JARID2: variants seen among roughly 807,000 people sequenced by gnomAD.
JARID2 encodes the protein jumonji and AT-rich interaction domain containing 2.
Under a neutral mutation model 125.6 loss-of-function variants are expected in JARID2, and 21 were observed. That is an observed-to-expected ratio of 0.17 (90% CI 0.12 to 0.24). The LOEUF (loss-of-function observed/expected upper bound fraction) is 0.24. Ranked by LOEUF, JARID2 falls within the 10% of genes least tolerant of loss-of-function variation. The probability of loss-of-function intolerance (pLI) is 1.00; values close to 1 mark genes in which losing one functional copy is unlikely to be tolerated. For missense variants in JARID2, 1,303 were observed against 1,639.6 expected (o/e 0.79, Z 3.55); for synonymous variants, 736 against 661.6 (o/e 1.11, Z -1.73).
At chr6:15,400,677 G>A (rs1765392464) in intron 2 of JARID2, among the ~76,000 whole-genome samples, 1 of 151,978 alleles carries the variant, frequency 6.6e-6, no homozygotes, top group South Asian at 2.1e-4. Context: ...ATTTATCAGG[G>A]TGGGGGGAGC....
At chr6:15,278,943 C>G (rs1213828928) in intron 1 of JARID2, among the ~76,000 whole-genome samples, 1 of 152,036 alleles carries the variant, frequency 6.6e-6, no homozygotes, top group Non-Finnish European at 1.5e-5. Context: ...GTGGCATACA[C>G]CTGTAATCTC....
At chr6:15,265,436 C>T in intron 1 of JARID2, among the ~76,000 whole-genome samples, 1 of 151,904 alleles carries the variant, frequency 6.6e-6, no homozygotes, top group African/African-American at 2.4e-5. Flanking sequence ...GATTTAAAGC[C>T]TTAATCATCC....
At chr6:15,382,080 T>C (rs1764610629) in intron 2 of JARID2, among the ~76,000 whole-genome samples, 1 of 152,032 alleles carries the variant, frequency 6.6e-6, no homozygotes, top group African/African-American at 2.4e-5. Context: ...CTGGCCAACA[T>C]AGTGAAACCC....
intron 1 of JARID2, among the ~76,000 whole-genome samples, chr6:15,267,383 C>T (rs2127345263): frequency 6.6e-6 from 1 of 152,258 alleles, no homozygotes; most frequent in South Asian, 2.1e-4. Flanking sequence ...CAGCAACCAC[C>T]AGGAAAGGAT....
chr6:15,340,518 A>G (rs1763031615), intron 1 of JARID2, among the ~76,000 whole-genome samples: 1 of 152,224 alleles, frequency 6.6e-6, no homozygotes, highest in Non-Finnish European at 1.5e-5. Context: ...CAGGTTTATA[A>G]AGACTACTCT....
At chr6:15,260,709 C>A (rs543518956) in intron 1 of JARID2, among the ~76,000 whole-genome samples, 9 of 152,314 alleles carry the variant, frequency 5.9e-5, no homozygotes, top group African/African-American at 1.9e-4. Context: ...TGTGATAAAT[C>A]AAAACTCTAA....
chr6:15,267,287 A>G (rs1293174340), intron 1 of JARID2, among the ~76,000 whole-genome samples: 2 of 152,186 alleles, frequency 1.3e-5, no homozygotes, highest in African/African-American at 4.8e-5. Flanking sequence ...GCTTATCAGT[A>G]TCTGACATAA....
intron 1 of JARID2, among the ~76,000 whole-genome samples, chr6:15,263,666 C>T (rs1759972638): frequency 6.6e-6 from 1 of 150,548 alleles, no homozygotes; most frequent in Non-Finnish European, 1.5e-5. Flanking sequence ...GATCTCCACT[C>T]ATTGCAACCT....
At position 15,410,408 on chromosome 6, in the gene JARID2, A is replaced by G. The variant is rs778752398; in HGVS notation, c.323+43A>G. 10 of 1,594,228 alleles carry G rather than the reference A, an allele frequency of 6.3e-6. 1 individual carries two copies. The highest frequency in any genetic ancestry group is 1.3e-5 in the African/African-American group (1 of 74,584). Reference sequence around the variant, plus strand: ...AAAATATTGGTACCTTCAACCAGGGACTGCAAACTCAGGTGCCAGTTTTCA... The same window carrying G: ...AAAATATTGGTACCTTCAACCAGGGGCTGCAAACTCAGGTGCCAGTTTTCA... On this transcript the variant is annotated intron_variant, in intron 3 of 17. Coordinates refer to ENST00000341776, the MANE Select transcript of JARID2 (RefSeq NM_004973.4).
chr6:15,351,804 T>C (rs1763437207), intron 1 of JARID2, among the ~76,000 whole-genome samples: 1 of 152,120 alleles, frequency 6.6e-6, no homozygotes, highest in Non-Finnish European at 1.5e-5. Context: ...CTGTAGCTGC[T>C]TCCCTTGGCA....
Position 15,475,482 on chromosome 6 carries a change from G to A in JARID2, c.670+6764G>A, listed in dbSNP as rs555090927. Among the ~76,000 whole-genome samples the A allele has an allele frequency of 2.6e-5, 4 of 152,308 alleles. No homozygotes were observed. In the East Asian group the frequency reaches 7.7e-4, roughly 29 times the overall value. Reference sequence around the variant, plus strand: ...GGGAGGCCCAGGTCCTCGCTTCGCCGTGCAACTAGCATTTTCTCTTGCATA... The same window carrying A: ...GGGAGGCCCAGGTCCTCGCTTCGCCATGCAACTAGCATTTTCTCTTGCATA... On this transcript the variant is annotated intron_variant, in intron 5 of 17. Transcript: ENST00000341776.
chr6:15,386,994 G>A (rs1013201527), intron 2 of JARID2, among the ~76,000 whole-genome samples: 4 of 152,194 alleles, frequency 2.6e-5, no homozygotes, highest in African/African-American at 4.8e-5. Context: ...CACCTTTCTC[G>A]TATAGCACAT....
chr6:15,364,463 A>T (rs1480434266), intron 1 of JARID2, among the ~76,000 whole-genome samples: 2 of 152,196 alleles, frequency 1.3e-5, no homozygotes, highest in African/African-American at 4.8e-5. Flanking sequence ...TTGCAGACAG[A>T]CTTTACTTCA....
At chr6:15,263,697 A>G (rs1759973731) in intron 1 of JARID2, among the ~76,000 whole-genome samples, 1 of 150,330 alleles carries the variant, frequency 6.7e-6, no homozygotes. Flanking sequence ...GATTCAAGTG[A>G]TTCTCCTGCC....
intron 1 of JARID2, among the ~76,000 whole-genome samples, chr6:15,366,527 T>TGGGGGGGGG (rs1763985003): frequency 3.5e-5 from 1 of 28,974 alleles, no homozygotes. Context: ...GCGGGGGGGG[T>TGGGGGGGGG]GGGGGGTGGG....
chr6:15,432,691 T>C (rs1440498809), intron 3 of JARID2, among the ~76,000 whole-genome samples: 4 of 151,438 alleles, frequency 2.6e-5, no homozygotes, highest in African/African-American at 7.4e-5. Flanking sequence ...GGCTAGAAGG[T>C]TGGCAGTTTT....
chr6:15,413,011 T>TTTG (rs1355407623), intron 3 of JARID2, among the ~76,000 whole-genome samples: 79 of 86,516 alleles, frequency 9.1e-4, no homozygotes, highest in Non-Finnish European at 1.5e-3. Context: ...TGTTTTTGTT[T>TTTG]TTTTTTTTTT....
At chr6:15,351,889 G>A (rs905128892) in intron 1 of JARID2, among the ~76,000 whole-genome samples, 3 of 152,160 alleles carry the variant, frequency 2.0e-5, no homozygotes, top group African/African-American at 4.8e-5. Context: ...CTCTGCTGAT[G>A]ACATACCAGG....
chr6:15,416,292 C>G (rs559117780), intron 3 of JARID2, among the ~76,000 whole-genome samples: 1 of 152,262 alleles, frequency 6.6e-6, no homozygotes, highest in East Asian at 1.9e-4. Flanking sequence ...GGGTGGCGGC[C>G]GGGCAGAGGC....
Sources: gnomAD v4.1 joint callset for allele counts (sites outside exome capture counted in the v4.1 genomes callset) on GRCh38, gnomAD v4.1.1 for gene constraint, MANE v1.5 for transcripts, NCBI Gene and HGNC (gene_info 2026-07-23, HGNC 2026-07-21) for gene names.